The following MMP11 variants were observed in gnomAD, a reference collection of about 807,000 sequenced individuals.
MMP11 encodes matrix metallopeptidase 11, also known as stromelysin-3.
A neutral mutation model predicts 49.5 loss-of-function variants in MMP11; 26 were observed. The observed-to-expected ratio is 0.52, with a 90% CI of 0.38 to 0.73. The LOEUF (loss-of-function observed/expected upper bound fraction) is 0.73, where lower values mean the gene tolerates loss of function less well. Ranked by LOEUF, MMP11 falls within the 30% of genes least tolerant of loss-of-function variation. The pLI is 0.00. For synonymous variants in MMP11, 265 were observed against 282.3 expected, an observed-to-expected ratio of 0.94 and a Z score of 0.62; for missense variants, 624 against 671.2, an observed-to-expected ratio of 0.93 and a Z score of 0.78.
intron 1 of MMP11, among the ~76,000 whole-genome samples, chr22:23,778,629 CACTG>C (rs1927497965): frequency 1.3e-5 from 2 of 152,226 alleles, no homozygotes; most frequent in Admixed American, 1.3e-4. Context: ...AGTCAGGTTA[CACTG>C]ACTGAGGCCA....
intron 1 of MMP11, among the ~76,000 whole-genome samples, chr22:23,777,310 G>A (rs141339101): frequency 0.038 from 5,683 of 151,020 alleles, 327 homozygotes; most frequent in African/African-American, 0.12. Flanking sequence ...GCGCATGCTT[G>A]TAATCCCAGC....
rs772609528 is a variant in MMP11, at chr22:23,783,676, G to A, written c.*132G>A. 1 of 1,291,304 alleles carries A rather than the reference G, an allele frequency of 7.7e-7. No homozygotes were observed. The highest frequency in any genetic ancestry group is 1.1e-6 in the Non-Finnish European group (1 of 920,192). 80.0% of individuals were successfully genotyped at this position (1,291,304 alleles called of 1,614,324 possible). A position where few individuals can be genotyped will look rare whatever the true frequency, so the allele number is the denominator to read the frequency against. On this transcript the variant is annotated 3_prime_UTR_variant, in exon 8 of 8. Transcript: ENST00000215743. ...GCCCATGTCTCCTCAGGGGGATGGG[G>A]TGGGGTACAACCACCATGACAACTG...
chr22:23,774,572 T>A (rs537030884), intron 1 of MMP11, among the ~76,000 whole-genome samples: 2 of 151,862 alleles, frequency 1.3e-5, no homozygotes, highest in South Asian at 4.2e-4. Flanking sequence ...GGGGTGAGAA[T>A]AGGAAGATTA....
chr22:23,774,067 CAG>C (rs1347965315), intron 1 of MMP11, among the ~76,000 whole-genome samples: 1 of 152,174 alleles, frequency 6.6e-6, no homozygotes, highest in Non-Finnish European at 1.5e-5. Context: ...GGACTTGGGA[CAG>C]AGTCAGGAAT....
rs774089282 is a variant in MMP11 at position 23,780,933 on chromosome 22, G to T, written c.691G>T (p.Ala231Ser). Reference protein sequence around the residue: ...LGLQHTTAAKALMSAFYTFRY... With the variant: ...LGLQHTTAAKSLMSAFYTFRY... Reference sequence around the variant, plus strand: ...GCTGCAGCACACAACAGCAGCCAAGGCCCTGATGTCCGCCTTCTACACCTT... The same window carrying T: ...GCTGCAGCACACAACAGCAGCCAAGTCCCTGATGTCCGCCTTCTACACCTT... Residue 231 changes from alanine (A) to serine (S), a missense_variant, in exon 5 of 8, where the codon GCC (alanine) becomes TCC (serine). Transcript: ENST00000215743. This position sits in a 1 kb window ranked among gnomAD's most constrained non-coding sequence, Gnocchi z 4.6. 6.8e-6 allele frequency: 11 copies of T among 1,613,806 alleles called. No individual in the cohort carries two copies.
chr22:23,773,985 G>A (rs1601366992), intron 1 of MMP11, among the ~76,000 whole-genome samples: 1 of 152,204 alleles, frequency 6.6e-6, no homozygotes, highest in African/African-American at 2.4e-5. Context: ...GGGATGGGAT[G>A]GGTGGGGTAG....
Position 23,780,767 on chromosome 22 carries a change from A to T in MMP11, c.616+52A>T. 2 of 1,556,958 alleles carry T rather than the reference A, an allele frequency of 1.3e-6. No individual in the cohort carries two copies. Among genetic ancestry groups the T allele is most frequent in the Non-Finnish European group, 1.7e-6 (2 of 1,152,836 alleles). On this transcript the variant is annotated intron_variant, in intron 4 of 7. Transcript: ENST00000215743. The surrounding 1 kb of genome is among the most constrained non-coding windows in gnomAD (Gnocchi z 4.6). ...ATGGGGCAACCGAAGATCATAAAGAATGGGGACTCGCCAAGGTCACTGAGC... is the reference window on the plus strand; with the variant it reads ...ATGGGGCAACCGAAGATCATAAAGATTGGGGACTCGCCAAGGTCACTGAGC...
chr22:23,781,247 CGAG>C lies in MMP11; in HGVS notation c.915_917del (p.Gly306del), dbSNP rs779081778. 6 of 1,611,478 alleles carry C rather than the reference CGAG, an allele frequency of 3.7e-6. No individual in the cohort carries two copies. The East Asian group carries it at 1.1e-4, about 30-fold the overall frequency. ...CTCCTTTGACGCGGTCTCCACCATC[CGAG>C]GCGAGCTCTTTTTCTTCAAAGCGGG... On this transcript the variant is annotated inframe_deletion, in exon 6 of 8. Coordinates refer to ENST00000215743, the MANE Select transcript of MMP11 (RefSeq NM_005940.5).
Position 23,783,199 on chromosome 22 carries a change from C to T in MMP11, c.1334-212C>T, listed in dbSNP as rs1307385391. On this transcript the variant is annotated intron_variant, in intron 7 of 7. Transcript: ENST00000215743. The stretch of plus-strand genomic sequence containing the variant: ...GTACCTGTCAGGCTGGGTATTAGCC[C>T]AGCCCAGATTCCGGGGCAGGCAGAA... Among the ~76,000 whole-genome samples the T allele has an allele frequency of 2.4e-4, 37 of 152,132 alleles. 1 individual carries two copies. The highest frequency in any genetic ancestry group is 4.4e-5 in the Non-Finnish European group (3 of 68,018).
rs1285458282 is a variant in MMP11, at chr22:23,783,659, C to G, written c.*115C>G. ...ACCAGGCATGGGACTGAGCCCATGTCTCCTCAGGGGGATGGGGTGGGGTAC... is the reference window on the plus strand; with the variant it reads ...ACCAGGCATGGGACTGAGCCCATGTGTCCTCAGGGGGATGGGGTGGGGTAC... On this transcript the variant is annotated 3_prime_UTR_variant, in exon 8 of 8. Transcript: ENST00000215743. The G allele has an allele frequency of 7.0e-7, 1 of 1,421,510 alleles. No homozygotes were observed. 88.1% of individuals were successfully genotyped at this position (1,421,510 alleles called of 1,614,324 possible).
rs571341628 is a variant in MMP11, at chr22:23,781,187, C to T, written c.859-6C>T. 1 of 1,611,158 alleles carries T rather than the reference C, an allele frequency of 6.2e-7. No homozygotes were observed. Among genetic ancestry groups the T allele is most frequent in the Admixed American group, 1.7e-5 (1 of 60,020 alleles). On this transcript the variant is annotated splice_polypyrimidine_tract_variant and splice_region_variant and intron_variant, in intron 5 of 7. Coordinates refer to ENST00000215743, the MANE Select transcript of MMP11 (RefSeq NM_005940.5). ...CCTCAGCATGTGTCCCTCTCTCCCA[C>T]CCCAGCCAGACGCCCCGCCAGATGC...
chr22:23,781,094 G>A lies in MMP11; in HGVS notation c.852G>A (p.Pro284=), dbSNP rs374733514. The A allele has an allele frequency of 5.4e-5, 87 of 1,607,408 alleles. No individual in the cohort carries two copies. The highest frequency in any genetic ancestry group is 1.5e-4 in the South Asian group (14 of 91,042). The change falls in exon 5 of 8, where the codon CCG becomes CCA. Residue 284 remains proline (P), a synonymous_variant. Coordinates refer to ENST00000215743, the MANE Select transcript of MMP11 (RefSeq NM_005940.5). ...GGATAGACACCAATGAGATTGCACC[G>A]CTGGAGGTGAGGCCCTGCCTGCCAG... is the stretch of plus-strand genomic sequence containing the variant. ...QAGIDTNEIA[P]LEPDAPPDAC... is the part of the protein sequence containing the mutation.
At position 23,782,263 on chromosome 22, in the gene MMP11, C is replaced by A. The variant is rs752784717; in HGVS notation, c.1113C>A (p.Val371=). Residue 371 remains valine, a synonymous_variant, in exon 7 of 8, where the codon GTC becomes GTA. Coordinates refer to ENST00000215743, the MANE Select transcript of MMP11 (RefSeq NM_005940.5). ...GGGTGTACGACGGTGAAAAGCCAGT[C>A]CTGGGCCCCGCACCCCTCACCGAGC... The part of the protein sequence containing the change: ...QYWVYDGEKP[V]LGPAPLTELG... 17 of 1,613,560 alleles carry A rather than the reference C, an allele frequency of 1.1e-5. No homozygotes were observed. The highest frequency in any genetic ancestry group is 1.7e-6 in the Non-Finnish European group (2 of 1,180,010).
intron 7 of MMP11, chr22:23,782,747 G>A: frequency 1.8e-6 from 1 of 557,436 alleles, no homozygotes; most frequent in Non-Finnish European, 3.2e-6. Context: ...GCTGTACACT[G>A]AGGGCCAACA....
Position 23,780,535 on chromosome 22 carries a change from A to G in MMP11, c.482+33A>G. 6.2e-7 allele frequency: 1 copy of G among 1,612,648 alleles called. No homozygotes were observed. Among genetic ancestry groups the G allele is most frequent in the Non-Finnish European group, 8.5e-7 (1 of 1,179,438 alleles). ...GGCGGCCTGGGACCCCTCCGGGAAC[A>G]GCCTCGCCTGCCAGCAGCCACTGAC... On this transcript the variant is annotated intron_variant, in intron 3 of 7. Transcript: ENST00000215743. This position sits in a 1 kb window ranked among gnomAD's most constrained non-coding sequence, Gnocchi z 4.6.
At chr22:23,774,943 C>A (rs573559123) in intron 1 of MMP11, among the ~76,000 whole-genome samples, 3 of 152,172 alleles carry the variant, frequency 2.0e-5, no homozygotes, top group Non-Finnish European at 2.9e-5. Context: ...TCTGCCAGGA[C>A]ACTGGGTCAG....
In MMP11 at chr22:23,780,287, G is replaced by A; in HGVS notation, c.339-72G>A. The A allele has an allele frequency of 6.3e-7, 1 of 1,596,804 alleles. No homozygotes were observed. Among genetic ancestry groups the A allele is most frequent in the Admixed American group, 1.7e-5 (1 of 59,334 alleles). Reference sequence around the variant, plus strand: ...TTCACACACCCACCAAGCATCCAGGGGCAACTCCTGGTGCCTCAGCCATCG... The same window carrying A: ...TTCACACACCCACCAAGCATCCAGGAGCAACTCCTGGTGCCTCAGCCATCG... On this transcript the variant is annotated intron_variant, in intron 2 of 7. Transcript: ENST00000215743. This position sits in a 1 kb window ranked among gnomAD's most constrained non-coding sequence, Gnocchi z 4.6.
Position 23,782,282 on chromosome 22 carries a change from ACC to A in MMP11, c.1133_1134del (p.Thr378ArgfsTer50). The A allele has an allele frequency of 6.2e-7, 1 of 1,613,520 alleles. No individual in the cohort carries two copies. Among genetic ancestry groups the A allele is most frequent in the Non-Finnish European group, 8.5e-7 (1 of 1,179,956 alleles). ...GCCAGTCCTGGGCCCCGCACCCCTC[ACC>A]GAGCTGGGCCTGGTGAGGTTCCCGG... ...EKPVLGPAPL[T>X]ELGLVRFPVH... is the part of the protein sequence containing the mutation. On this transcript the variant is annotated frameshift_variant, in exon 7 of 8. Transcript: ENST00000215743. LOFTEE classifies it high-confidence loss of function.
chr22:23,777,699 A>T (rs1927461619), intron 1 of MMP11: 1 of 152,322 alleles, frequency 6.6e-6, no homozygotes, highest in South Asian at 2.1e-4. Flanking sequence ...GCGCCACTGC[A>T]CTCCAGCCTG....
Sources: allele counts gnomAD v4.1 joint callset (sites outside exome capture counted in the v4.1 genomes callset), GRCh38; gene constraint gnomAD v4.1.1; non-coding constraint Gnocchi (gnomAD v3.1); transcripts MANE v1.5; gene names NCBI Gene and HGNC (gene_info 2026-07-23, HGNC 2026-07-21).